Variants in GALNT13 observed in about 807,000 individuals in gnomAD.
GALNT13 encodes polypeptide N-acetylgalactosaminyltransferase 13.
Under a neutral mutation model 64.2 loss-of-function variants are expected in GALNT13, and 28 were observed. The observed-to-expected ratio is 0.44, with a 90% CI of 0.32 to 0.60. GALNT13 has a LOEUF of 0.60. GALNT13 is among the 20% of genes least tolerant of loss of function. The pLI is 0.05. For missense variants in GALNT13, 577 were observed against 669.8 expected, an observed-to-expected ratio of 0.86 and a Z score of 1.53; for synonymous variants, 214 against 224.6, an observed-to-expected ratio of 0.95 and a Z score of 0.42.
intron 2 of GALNT13, among the ~76,000 whole-genome samples, chr2:153,932,440 T>A (rs1458646889): frequency 2.0e-5 from 3 of 152,000 alleles, no homozygotes; most frequent in Non-Finnish European, 1.5e-5. Flanking sequence ...TTCTTAATAC[T>A]GCTTTAGCTA....
chr2:154,286,695 A>G, intron 8 of GALNT13: 1 of 306,294 alleles, frequency 3.3e-6, no homozygotes, highest in South Asian at 3.3e-5. Context: ...CTGGACACAG[A>G]GCTGCCATCT....
chr2:153,299,736 C>A, the GALNT13 span, among the ~76,000 whole-genome samples: 1 of 152,184 alleles, frequency 6.6e-6, no homozygotes, highest in Admixed American at 6.5e-5. Flanking sequence ...GGGAGCAGAC[C>A]TTGAGGGCTG....
intron 9 of GALNT13, among the ~76,000 whole-genome samples, chr2:154,366,487 C>T (rs753058695): frequency 1.2e-4 from 19 of 152,158 alleles, no homozygotes; most frequent in African/African-American, 1.9e-4. Context: ...ACCAGAACCT[C>T]GTAACAAGAT....
At chr2:153,565,239 C>T in the GALNT13 span, among the ~76,000 whole-genome samples, 366 of 151,952 alleles carry the variant, frequency 2.4e-3, 2 homozygotes, top group African/African-American at 8.1e-3. Context: ...AGTGAAGGTG[C>T]GGGGAGAGGG....
chr2:153,141,415 G>A, the GALNT13 span, among the ~76,000 whole-genome samples: 21 of 152,116 alleles, frequency 1.4e-4, no homozygotes, highest in African/African-American at 5.1e-4. Flanking sequence ...TATAAGCTTA[G>A]GTAGAGCTTC....
chr2:154,427,346 A>G (rs911298308), intron 11 of GALNT13, among the ~76,000 whole-genome samples: 28 of 152,216 alleles, frequency 1.8e-4, no homozygotes, highest in African/African-American at 6.0e-4. Context: ...CTGCGGTACA[A>G]TGGCAGATAA....
intron 3 of GALNT13, among the ~76,000 whole-genome samples, chr2:153,977,470 T>C (rs1694155807): frequency 6.6e-6 from 1 of 152,240 alleles, no homozygotes; most frequent in Non-Finnish European, 1.5e-5. Flanking sequence ...GGGAAGCCCC[T>C]TATAAAACCA....
At chr2:153,727,578 C>T in the GALNT13 span, among the ~76,000 whole-genome samples, 11 of 152,096 alleles carry the variant, frequency 7.2e-5, no homozygotes, top group South Asian at 2.1e-4. Flanking sequence ...GCCATCCATA[C>T]GACTCATCTA....
At chr2:153,316,552 A>C in the GALNT13 span, among the ~76,000 whole-genome samples, 1 of 149,894 alleles carries the variant, frequency 6.7e-6, no homozygotes, top group Non-Finnish European at 1.5e-5. Context: ...GAGGCAGGAG[A>C]ATTGCTTGAA....
At chr2:154,230,230 G>A (rs1688845920) in intron 4 of GALNT13, among the ~76,000 whole-genome samples, 2 of 152,062 alleles carry the variant, frequency 1.3e-5, no homozygotes, top group African/African-American at 2.4e-5. Context: ...ATAAAATCCA[G>A]TGTTATTATT....
chr2:154,249,261 G>A (rs944716914), intron 7 of GALNT13, among the ~76,000 whole-genome samples: 9 of 152,130 alleles, frequency 5.9e-5, no homozygotes, highest in Non-Finnish European at 1.3e-4. Context: ...ACTATTGGGC[G>A]CTGTGCTAAG....
chr2:153,357,995 A>C, the GALNT13 span, among the ~76,000 whole-genome samples: 1 of 152,188 alleles, frequency 6.6e-6, no homozygotes, highest in Non-Finnish European at 1.5e-5. Flanking sequence ...TACTCATATG[A>C]TCAAACAGAG....
At chr2:154,029,508 C>A (rs2105302401) in intron 3 of GALNT13, among the ~76,000 whole-genome samples, 1 of 152,226 alleles carries the variant, frequency 6.6e-6, no homozygotes, top group Middle Eastern at 3.4e-3. Flanking sequence ...ACTTTGGTAA[C>A]AACAAATCCC....
At chr2:153,214,771 TA>T in the GALNT13 span, among the ~76,000 whole-genome samples, 1 of 152,038 alleles carries the variant, frequency 6.6e-6, no homozygotes, top group Non-Finnish European at 1.5e-5. Flanking sequence ...AAACATTTAA[TA>T]AAAAAATAAG....
At chr2:154,348,361 ACTC>A (rs1696188050) in intron 9 of GALNT13, among the ~76,000 whole-genome samples, 1 of 150,688 alleles carries the variant, frequency 6.6e-6, no homozygotes, top group Non-Finnish European at 1.5e-5. Flanking sequence ...CTTGTTATAT[ACTC>A]ACTTCCATTT....
At chr2:153,397,621 G>A in the GALNT13 span, among the ~76,000 whole-genome samples, 6 of 151,778 alleles carry the variant, frequency 4.0e-5, no homozygotes, top group Admixed American at 2.0e-4. Context: ...CTTTGTTGTC[G>A]GGAGGGAAGG....
At chr2:153,418,280 T>C in the GALNT13 span, among the ~76,000 whole-genome samples, 21 of 151,654 alleles carry the variant, frequency 1.4e-4, no homozygotes, top group African/African-American at 4.8e-4. Flanking sequence ...GGAAACAAAT[T>C]CCCCCCTAGC....
intron 2 of GALNT13, among the ~76,000 whole-genome samples, chr2:153,941,242 C>T (rs567084238): frequency 6.6e-5 from 10 of 152,178 alleles, no homozygotes; most frequent in South Asian, 2.1e-4. Flanking sequence ...ATGATCCGCC[C>T]GCCTCAGCCT....
At chr2:154,415,080 T>G (rs1208344076) in intron 11 of GALNT13, among the ~76,000 whole-genome samples, 1 of 151,458 alleles carries the variant, frequency 6.6e-6, no homozygotes, top group Non-Finnish European at 1.5e-5. Flanking sequence ...CAGGAAGATC[T>G]CTTGCACATA....
Sources: allele counts gnomAD v4.1 joint callset (sites outside exome capture counted in the v4.1 genomes callset), GRCh38; gene constraint gnomAD v4.1.1; transcripts MANE v1.5; gene names NCBI Gene and HGNC (gene_info 2026-07-23, HGNC 2026-07-21).